SORCS1: variants seen among roughly 807,000 people sequenced by gnomAD.
The protein encoded by SORCS1 is VPS10 domain-containing receptor SorCS1.
SORCS1 carries 60 observed loss-of-function variants against 146.1 expected under a neutral mutation model. The ratio of observed to expected loss-of-function variants is 0.41; its 90% CI spans 0.33 to 0.51. The LOEUF (loss-of-function observed/expected upper bound fraction) is 0.51. Ranked by LOEUF, SORCS1 falls within the 20% of genes least tolerant of loss-of-function variation. The probability of loss-of-function intolerance (pLI) is 0.21; values close to 1 mark genes in which losing one functional copy is unlikely to be tolerated. For synonymous variants in SORCS1, 637 were observed against 584.0 expected, an observed-to-expected ratio of 1.09 and a Z score of -1.31; for missense variants, 1,352 against 1,487.6, an observed-to-expected ratio of 0.91 and a Z score of 1.50.
chr10:106,605,463 A>T (rs893675196), intron 23 of SORCS1, among the ~76,000 whole-genome samples: 2 of 152,224 alleles, frequency 1.3e-5, no homozygotes, highest in Non-Finnish European at 2.9e-5. Context: ...ACCCTCTTCC[A>T]TACTTGAAAA....
intron 1 of SORCS1, among the ~76,000 whole-genome samples, chr10:107,112,025 T>C (rs566513048): frequency 6.6e-6 from 1 of 152,262 alleles, no homozygotes; most frequent in Admixed American, 6.5e-5. Context: ...TTATTTCTGT[T>C]TCATGTAACA....
At chr10:106,841,001 G>A (rs1303004751) in intron 2 of SORCS1, among the ~76,000 whole-genome samples, 1 of 151,096 alleles carries the variant, frequency 6.6e-6, no homozygotes, top group Non-Finnish European at 1.5e-5. Context: ...GACTACAGGT[G>A]CACGCCACCA....
chr10:106,604,220 A>T (rs961794081), intron 23 of SORCS1, among the ~76,000 whole-genome samples: 4 of 152,174 alleles, frequency 2.6e-5, no homozygotes, highest in African/African-American at 9.7e-5. Context: ...TTCTGAATTC[A>T]TCTATGCCTC....
rs150071558 is a variant in SORCS1, at chr10:106,716,727, G to A, written c.1025-7386C>T. 3.0e-4 allele frequency among the ~76,000 whole-genome samples: 46 copies of A among 152,294 alleles called. 1 individual carries two copies. Among genetic ancestry groups the A allele is most frequent in the African/African-American group, 1.1e-3 (46 of 41,560 alleles). On this transcript the variant is annotated intron_variant, in intron 6 of 25. Coordinates refer to ENST00000263054, the MANE Select transcript of SORCS1 (RefSeq NM_052918.5). ...AGACAAACCTTTCCATCCCCAGAAT[G>A]TCTTCATTGATAACAGCAGCAGCAG...
intron 24 of SORCS1, among the ~76,000 whole-genome samples, chr10:106,595,635 A>G (rs953708851): frequency 5.9e-5 from 9 of 152,200 alleles, no homozygotes; most frequent in Admixed American, 1.3e-4. Context: ...AGAAGGTAAG[A>G]AGTCAGTGGT....
chr10:106,926,933 T>C (rs1953072602), intron 2 of SORCS1, among the ~76,000 whole-genome samples: 1 of 150,748 alleles, frequency 6.6e-6, no homozygotes, highest in Non-Finnish European at 1.5e-5. Context: ...TAGTATGAGT[T>C]TATCCATCCA....
chr10:106,648,662 G>C (rs954792398), intron 18 of SORCS1, among the ~76,000 whole-genome samples: 2 of 152,108 alleles, frequency 1.3e-5, no homozygotes, highest in Non-Finnish European at 1.5e-5. Context: ...TTACATGACA[G>C]ATATTGCTAT....
chr10:106,805,399 T>C (rs1004810163), intron 3 of SORCS1, among the ~76,000 whole-genome samples: 1 of 152,190 alleles, frequency 6.6e-6, no homozygotes, highest in Non-Finnish European at 1.5e-5. Context: ...AGCTGCAAAC[T>C]ACTACTTAGT....
intron 2 of SORCS1, among the ~76,000 whole-genome samples, chr10:106,830,432 T>C (rs529065109): frequency 6.6e-6 from 1 of 152,330 alleles, no homozygotes; most frequent in East Asian, 1.9e-4. Context: ...TTATTATCTG[T>C]CTTTGATGAA....
At chr10:107,150,019 C>T (rs1244500621) in intron 1 of SORCS1, among the ~76,000 whole-genome samples, 3 of 152,308 alleles carry the variant, frequency 2.0e-5, no homozygotes, top group Non-Finnish European at 4.4e-5. Flanking sequence ...AATTAGGTGT[C>T]CCCCAGTCAT....
At chr10:106,604,108 A>C (rs1013177073) in intron 23 of SORCS1, among the ~76,000 whole-genome samples, 2 of 152,156 alleles carry the variant, frequency 1.3e-5, no homozygotes, top group Non-Finnish European at 2.9e-5. Context: ...TTGCTTTCCT[A>C]TGTGTTGGCT....
chr10:106,855,526 T>C (rs779357921), intron 2 of SORCS1, among the ~76,000 whole-genome samples: 40 of 152,184 alleles, frequency 2.6e-4, no homozygotes, highest in Non-Finnish European at 4.3e-4. Context: ...TATACATATA[T>C]TACACTTTTG....
rs1397898003 is a variant in SORCS1 at position 106,837,458 on chromosome 10, T to C, written c.627-7785A>G. ...TTAATTTATGAGCTATGTTCCCACTTCTCCAATTCCATGATGATTGAATAA... is the reference window on the plus strand; with the variant it reads ...TTAATTTATGAGCTATGTTCCCACTCCTCCAATTCCATGATGATTGAATAA... On this transcript the variant is annotated intron_variant, in intron 2 of 25. Transcript: ENST00000263054. Among the ~76,000 whole-genome samples, 9 of 151,866 alleles carry C rather than the reference T, an allele frequency of 5.9e-5. 1 individual carries two copies. In the South Asian group the frequency reaches 1.9e-3, roughly 32 times the overall value.
chr10:106,673,561 G>C (rs772154657), intron 14 of SORCS1, among the ~76,000 whole-genome samples: 1 of 152,166 alleles, frequency 6.6e-6, no homozygotes, highest in Non-Finnish European at 1.5e-5. Flanking sequence ...TAATTCAAGA[G>C]CCCACTTGTA....
intron 18 of SORCS1, among the ~76,000 whole-genome samples, chr10:106,644,669 T>C (rs1300129091): frequency 6.6e-6 from 1 of 152,170 alleles, no homozygotes; most frequent in Non-Finnish European, 1.5e-5. Flanking sequence ...CCGGCCACCA[T>C]GAATTATTAA....
chr10:107,147,498 C>CTCTCTG (rs1554962667), intron 1 of SORCS1, among the ~76,000 whole-genome samples: 1 of 152,168 alleles, frequency 6.6e-6, no homozygotes, highest in Non-Finnish European at 1.5e-5. Context: ...TTCTTTCTCT[C>CTCTCTG]TCTCTCTGTC....
chr10:106,688,406 A>C (rs1853035822), intron 9 of SORCS1, 68 bp from the exon 10 acceptor site: 3 of 1,552,660 alleles, frequency 1.9e-6, no homozygotes, highest in Non-Finnish European at 2.6e-6. Flanking sequence ...TACTTTTTAA[A>C]AAAAGAAGGC....
intron 17 of SORCS1, among the ~76,000 whole-genome samples, chr10:106,653,262 A>G (rs1293806849): frequency 6.6e-6 from 1 of 152,230 alleles, no homozygotes; most frequent in Non-Finnish European, 1.5e-5. Context: ...GTACAATTTT[A>G]GGATGACAAA....
At chr10:107,064,503 C>T (rs1297201124) in intron 1 of SORCS1, among the ~76,000 whole-genome samples, 6 of 152,298 alleles carry the variant, frequency 3.9e-5, no homozygotes, top group African/African-American at 7.2e-5. Context: ...GACTGCTCTG[C>T]GAAGCCTTTT....
Sources: allele counts gnomAD v4.1 joint callset (sites outside exome capture counted in the v4.1 genomes callset), GRCh38; gene constraint gnomAD v4.1.1; transcripts MANE v1.5; gene names NCBI Gene and HGNC (gene_info 2026-07-23, HGNC 2026-07-21).